Variants in CNTNAP2 observed in about 807,000 individuals in gnomAD.
The protein encoded by CNTNAP2 is contactin associated protein 2, also known as contactin-associated protein-like 2.
In CNTNAP2, 98 loss-of-function variants were observed where a neutral mutation model predicts 155.2. The observed-to-expected ratio is 0.63, with a 90% CI of 0.54 to 0.75. The LOEUF is 0.75. CNTNAP2 is among the 30% of genes least tolerant of loss of function. CNTNAP2 has a pLI of 0.00. For synonymous variants in CNTNAP2, 651 were observed against 631.2 expected (o/e 1.03, Z -0.47); for missense variants, 1,727 against 1,688.1 (o/e 1.02, Z -0.40).
intron 1 of CNTNAP2, among the ~76,000 whole-genome samples, chr7:146,688,033 C>G (rs1386607443): frequency 5.3e-5 from 8 of 152,112 alleles, no homozygotes; most frequent in Non-Finnish European, 1.2e-4. Flanking sequence ...TGGCTAAAAA[C>G]AGCTGGAAGT....
chr7:146,616,597 A>G (rs1194799441), intron 1 of CNTNAP2, among the ~76,000 whole-genome samples: 1 of 152,094 alleles, frequency 6.6e-6, no homozygotes, highest in Non-Finnish European at 1.5e-5. Flanking sequence ...TTTATAGTCA[A>G]AAAAAAGCTG....
intron 13 of CNTNAP2, among the ~76,000 whole-genome samples, chr7:147,695,201 G>T: frequency 6.6e-6 from 1 of 152,114 alleles, no homozygotes; most frequent in Non-Finnish European, 1.5e-5. Context: ...TTTGGTCTGA[G>T]AGCAGACACT....
chr7:146,299,076 A>T (rs1800561540), intron 1 of CNTNAP2, among the ~76,000 whole-genome samples: 1 of 151,718 alleles, frequency 6.6e-6, no homozygotes, highest in Non-Finnish European at 1.5e-5. Context: ...GCTCGAGACC[A>T]GCCTGGCCAA....
intron 1 of CNTNAP2, among the ~76,000 whole-genome samples, chr7:146,192,415 G>A (rs1160687031): frequency 6.6e-6 from 1 of 152,150 alleles, no homozygotes; most frequent in East Asian, 1.9e-4. Flanking sequence ...AATTTATAAA[G>A]TAAAGAAGTT....
intron 1 of CNTNAP2, among the ~76,000 whole-genome samples, chr7:146,563,471 T>G (rs2129144699): frequency 6.6e-6 from 1 of 152,256 alleles, no homozygotes; most frequent in Non-Finnish European, 1.5e-5. Context: ...TGCTGTCTAC[T>G]TTCTCAGTAT....
chr7:146,879,489 T>C (rs1194844711), intron 3 of CNTNAP2, among the ~76,000 whole-genome samples: 1 of 152,016 alleles, frequency 6.6e-6, no homozygotes, highest in Non-Finnish European at 1.5e-5. Flanking sequence ...TTAAATAAAA[T>C]ATATAATATT....
chr7:148,192,119 G>A (rs185360400), intron 18 of CNTNAP2, among the ~76,000 whole-genome samples: 2 of 152,274 alleles, frequency 1.3e-5, no homozygotes, highest in East Asian at 3.9e-4. Context: ...AAGCACTTGA[G>A]TCCTTTCTTA....
At chr7:147,479,157 C>A (rs1417515094) in intron 10 of CNTNAP2, among the ~76,000 whole-genome samples, 1 of 152,230 alleles carries the variant, frequency 6.6e-6, no homozygotes. Context: ...CTTCCCTCCA[C>A]GTAGAAGGGG....
At chr7:146,787,652 C>T (rs772027287) in intron 2 of CNTNAP2, among the ~76,000 whole-genome samples, 32 of 152,256 alleles carry the variant, frequency 2.1e-4, no homozygotes, top group East Asian at 3.9e-4. Flanking sequence ...CCTTCCCCCG[C>T]GCATGAGGGT....
chr7:147,753,445 A>G (rs1226603274), intron 13 of CNTNAP2, among the ~76,000 whole-genome samples: 1 of 152,206 alleles, frequency 6.6e-6, no homozygotes, highest in East Asian at 1.9e-4. Context: ...CCTGTACTAA[A>G]AATTATACGC....
At chr7:148,011,921 G>A (rs1047942202) in intron 15 of CNTNAP2, among the ~76,000 whole-genome samples, 1 of 152,170 alleles carries the variant, frequency 6.6e-6, no homozygotes, top group Admixed American at 6.5e-5. Context: ...CCTCAGCCCT[G>A]TGCATCCTCT....
chr7:148,245,683 G>A (rs189601035), intron 20 of CNTNAP2, among the ~76,000 whole-genome samples: 363 of 152,242 alleles, frequency 2.4e-3, no homozygotes, highest in Admixed American at 3.7e-3. Context: ...GCTTTCTCTC[G>A]AGTAGATTTG....
At chr7:147,472,119 A>G (rs1450457014) in intron 10 of CNTNAP2, among the ~76,000 whole-genome samples, 1 of 152,056 alleles carries the variant, frequency 6.6e-6, no homozygotes, top group African/African-American at 2.4e-5. Context: ...GCAGTGGAGA[A>G]GCAGGTAGCA....
At chr7:148,363,275 G>T (rs768199979) in intron 21 of CNTNAP2, among the ~76,000 whole-genome samples, 2 of 152,186 alleles carry the variant, frequency 1.3e-5, no homozygotes, top group Non-Finnish European at 1.5e-5. Flanking sequence ...GAGCCACCAC[G>T]CACGGCCTCA....
intron 1 of CNTNAP2, among the ~76,000 whole-genome samples, chr7:146,224,086 C>T (rs1435455411): frequency 6.6e-6 from 1 of 152,140 alleles, no homozygotes; most frequent in African/African-American, 2.4e-5. Flanking sequence ...ATGGAGTCTC[C>T]ACTTTTTTCT....
intron 21 of CNTNAP2, among the ~76,000 whole-genome samples, chr7:148,375,026 G>A (rs1419321457): frequency 6.6e-6 from 1 of 152,078 alleles, no homozygotes; most frequent in African/African-American, 2.4e-5. Flanking sequence ...CTGAGGAATG[G>A]GGCACCAGCA....
At chr7:147,190,567 GA>G (rs1449204276) in intron 8 of CNTNAP2, among the ~76,000 whole-genome samples, 1 of 152,172 alleles carries the variant, frequency 6.6e-6, no homozygotes, top group Non-Finnish European at 1.5e-5. Flanking sequence ...CCATAGCAGT[GA>G]ACAGTGAATG....
rs192813888 is a variant in CNTNAP2 at position 147,922,814 on chromosome 7, T to C, written c.2255+19093T>C. Reference sequence around the variant, plus strand: ...AGAGGTATGAGAAGTGGTTTTGAATTGTTAGTAAAGAGAGGATGCAAAAAT... The same window carrying C: ...AGAGGTATGAGAAGTGGTTTTGAATCGTTAGTAAAGAGAGGATGCAAAAAT... On this transcript the variant is annotated intron_variant, in intron 14 of 23. Coordinates refer to ENST00000361727, the MANE Select transcript of CNTNAP2 (RefSeq NM_014141.6). 3.9e-3 allele frequency among the ~76,000 whole-genome samples: 596 copies of C among 152,278 alleles called. 24 individuals are homozygous for C. In the South Asian group the frequency reaches 0.08, roughly 20 times the overall value.
chr7:147,592,207 G>A lies in CNTNAP2; in HGVS notation c.1897+29950G>A, dbSNP rs145708761. On this transcript the variant is annotated intron_variant, in intron 12 of 23. Transcript: ENST00000361727. ...CTTAGTAAATATTTGTTACATGAGT[G>A]AATGAATAAATATATAAAGGAATAA... 1.5e-4 allele frequency among the ~76,000 whole-genome samples: 23 copies of A among 152,166 alleles called. No homozygotes were observed. The East Asian group carries it at 4.4e-3, about 29-fold the overall frequency.
Sources: gnomAD v4.1 joint callset for allele counts (sites outside exome capture counted in the v4.1 genomes callset) on GRCh38, gnomAD v4.1.1 for gene constraint, MANE v1.5 for transcripts, NCBI Gene and HGNC (gene_info 2026-07-23, HGNC 2026-07-21) for gene names.